The following WDR27 variants were observed in gnomAD, a reference collection of about 807,000 sequenced individuals.
WDR27 encodes WD repeat domain 27, also known as WD repeat-containing protein 27.
Under a neutral mutation model 114.4 loss-of-function variants are expected in WDR27, and 100 were observed. The ratio of observed to expected loss-of-function variants is 0.87; its 90% confidence interval spans 0.74 to 1.03. The LOEUF is 1.03. Among genes scored for constraint, WDR27 ranks in the 50% least tolerant of loss-of-function variants. The pLI is 0.00. For synonymous variants in WDR27, 449 were observed against 423.1 expected, an observed-to-expected ratio of 1.06 and a Z score of -0.75; for missense variants, 1,129 against 1,092.9, an observed-to-expected ratio of 1.03 and a Z score of -0.47.
Position 169,526,357 on chromosome 6 carries a change from A to C in WDR27, c.2645+46062T>G, listed in dbSNP as rs138846340. Among the ~76,000 whole-genome samples, 672 of 152,240 alleles carry C rather than the reference A, an allele frequency of 4.4e-3. 4 individuals are homozygous for C. The highest frequency in any genetic ancestry group is 0.016 in the African/African-American group (647 of 41,552). ...GCCAGGCGCGGTGGCTCGCACCTGT[A>C]ATCTCAGCAGTTTGGGAGGCCGAGG... On this transcript the variant is annotated intron_variant, in intron 25 of 25. Transcript: ENST00000448612.
chr6:169,452,606 G>A (rs990811714), downstream of WDR27, among the ~76,000 whole-genome samples: 1 of 150,700 alleles, frequency 6.6e-6, no homozygotes, highest in African/African-American at 2.4e-5. Context: ...GAGGAGCTGA[G>A]TTCAGGACGG....
chr6:169,585,611 T>C (rs1804389792), intron 23 of WDR27, among the ~76,000 whole-genome samples: 1 of 152,318 alleles, frequency 6.6e-6, no homozygotes, highest in African/African-American at 2.4e-5. Flanking sequence ...ATATTTCATA[T>C]GCTATATGTA....
In WDR27 at chr6:169,684,457, A is replaced by G. The variant is rs1317109671; in HGVS notation, c.189+4360T>C. 9.2e-5 allele frequency among the ~76,000 whole-genome samples: 14 copies of G among 152,146 alleles called. No homozygotes were observed. On this transcript the variant is annotated intron_variant, in intron 2 of 25. Coordinates refer to ENST00000448612, the MANE Select transcript of WDR27 (RefSeq NM_182552.5). This position sits in a 1 kb window ranked among gnomAD's most constrained non-coding sequence, Gnocchi z 4.3. ...TGGCAAGCATGCTCCCAGGCCCAAC[A>G]AACAGCTATGTGCCCATGTCTCAGA...
At chr6:169,482,263 G>A (rs1788267712) in intron 25 of WDR27, among the ~76,000 whole-genome samples, 1 of 152,156 alleles carries the variant, frequency 6.6e-6, no homozygotes, top group South Asian at 2.1e-4. Flanking sequence ...GAACATACAT[G>A]TGCATGAGTC....
intron 25 of WDR27, among the ~76,000 whole-genome samples, chr6:169,509,696 A>T (rs1402253868): frequency 1.3e-5 from 2 of 151,972 alleles, no homozygotes; most frequent in African/African-American, 2.4e-5. Context: ...AACCTAGGCA[A>T]TACCATTCAG....
At chr6:169,490,719 T>G (rs1356829131) in intron 25 of WDR27, among the ~76,000 whole-genome samples, 1 of 152,190 alleles carries the variant, frequency 6.6e-6, no homozygotes. Flanking sequence ...TTCCTTAGTA[T>G]CTCAGCCTCC....
At chr6:169,630,218 T>C (rs1477661451) in intron 21 of WDR27, among the ~76,000 whole-genome samples, 1 of 152,234 alleles carries the variant, frequency 6.6e-6, no homozygotes, top group Non-Finnish European at 1.5e-5. Flanking sequence ...AAATTTTAAA[T>C]ACTACTTGTC....
chr6:169,433,063 G>A, the WDR27 span, among the ~76,000 whole-genome samples: 2 of 152,182 alleles, frequency 1.3e-5, no homozygotes, highest in Non-Finnish European at 2.9e-5. Flanking sequence ...GGTGACTGTT[G>A]CTATGTTTTT....
In WDR27 at chr6:169,583,235, G is replaced by A. The variant is rs566025864; in HGVS notation, c.2425-301C>T. 1.4e-4 allele frequency among the ~76,000 whole-genome samples: 21 copies of A among 145,902 alleles called. No individual in the cohort carries two copies. The South Asian group carries it at 1.6e-3, about 11-fold the overall frequency. On this transcript the variant is annotated intron_variant, in intron 23 of 25. Transcript: ENST00000448612. ...TTTTAAATATGTGCTCATGATTGAT[G>A]ACTAATTTTAAGGAAGGAGTATAGA...
At position 169,457,566 on chromosome 6, in the gene WDR27, C is replaced by A; in HGVS notation, c.*26G>T. Reference sequence around the variant, plus strand: ...TTGTTCCTCACAGCATTCCTGGACCCAGCTCACAGGTCAGTGGTTACTCAG... The same window carrying A: ...TTGTTCCTCACAGCATTCCTGGACCAAGCTCACAGGTCAGTGGTTACTCAG... On this transcript the variant is annotated 3_prime_UTR_variant, in exon 26 of 26. Coordinates refer to ENST00000448612, the MANE Select transcript of WDR27 (RefSeq NM_182552.5). The A allele has an allele frequency of 6.5e-7, 1 of 1,546,470 alleles. No individual in the cohort carries two copies. The highest frequency in any genetic ancestry group is 8.7e-7 in the Non-Finnish European group (1 of 1,144,346).
intron 1 of WDR27, among the ~76,000 whole-genome samples, chr6:169,699,185 G>A (rs1434353729): frequency 6.6e-6 from 1 of 152,162 alleles, no homozygotes; most frequent in Non-Finnish European, 1.5e-5. Flanking sequence ...AGAACTGGCT[G>A]GTGTGCAAGC....
At chr6:169,462,479 G>GGAGA (rs568005305) in intron 25 of WDR27, among the ~76,000 whole-genome samples, 1 of 150,338 alleles carries the variant, frequency 6.7e-6, no homozygotes, top group Non-Finnish European at 1.5e-5. Flanking sequence ...AGGAGAGGGG[G>GGAGA]GAGAGAGAGA....
chr6:169,446,191 T>TG, the WDR27 span, among the ~76,000 whole-genome samples: 2 of 152,140 alleles, frequency 1.3e-5, no homozygotes, highest in African/African-American at 4.8e-5. Flanking sequence ...CAGCACGAGC[T>TG]GGGGGAGCGG....
At chr6:169,575,197 T>G (rs9371146) in intron 24 of WDR27, among the ~76,000 whole-genome samples, 15,095 of 151,318 alleles carry the variant, frequency 0.1, 1,799 homozygotes, top group East Asian at 0.58. Context: ...AAAAATTTCA[T>G]CCATCCATCC....
Position 169,457,311 on chromosome 6 carries a change from A to T in WDR27, c.*281T>A, listed in dbSNP as rs1296895888. ...ATACTATATTATGTTTTATTGAAAGATATTTTGTTTTAACTTTACCAAATT... is the reference window on the plus strand; with the variant it reads ...ATACTATATTATGTTTTATTGAAAGTTATTTTGTTTTAACTTTACCAAATT... On this transcript the variant is annotated 3_prime_UTR_variant, in exon 26 of 26. Transcript: ENST00000448612. 6 of 318,758 alleles carry T rather than the reference A, an allele frequency of 1.9e-5. No individual in the cohort carries two copies. Among genetic ancestry groups the T allele is most frequent in the Admixed American group, 4.8e-5 (1 of 20,954 alleles). 19.7% of individuals were successfully genotyped at this position (318,758 alleles called of 1,614,324 possible).
chr6:169,570,893 G>A (rs946968298), intron 25 of WDR27, among the ~76,000 whole-genome samples: 16 of 152,184 alleles, frequency 1.1e-4, no homozygotes, highest in African/African-American at 3.6e-4. Context: ...CAGGCCAGGA[G>A]TCTCCCGTGG....
Position 169,684,185 on chromosome 6 carries a change from A to G in WDR27, c.189+4632T>C, listed in dbSNP as rs116048309. Among the ~76,000 whole-genome samples the G allele has an allele frequency of 6.6e-6, 1 of 151,906 alleles. No homozygotes were observed. Among genetic ancestry groups the G allele is most frequent in the African/African-American group, 2.4e-5 (1 of 41,388 alleles). On this transcript the variant is annotated intron_variant, in intron 2 of 25. Transcript: ENST00000448612. This position sits in a 1 kb window ranked among gnomAD's most constrained non-coding sequence, Gnocchi z 4.3. ...CTTCCAGCCAGAGAAACAACCCAGC[A>G]CTCCTGCCAAGGACAAACCTGCCCT... is the stretch of plus-strand genomic sequence containing the variant.
chr6:169,643,979 C>G (rs552981659), intron 16 of WDR27, among the ~76,000 whole-genome samples, 193 bp from the exon 17 acceptor site: 218 of 123,248 alleles, frequency 1.8e-3, no homozygotes, highest in Middle Eastern at 5.8e-3. Context: ...CTGTAGAAAA[C>G]CCTAGTTCAC....
intron 21 of WDR27, among the ~76,000 whole-genome samples, chr6:169,626,696 G>A (rs1009613485): frequency 2.0e-5 from 3 of 152,198 alleles, no homozygotes; most frequent in Non-Finnish European, 4.4e-5. Flanking sequence ...CACCACGTCC[G>A]TGAGTAAGTA....
Sources: allele counts gnomAD v4.1 joint callset (sites outside exome capture counted in the v4.1 genomes callset), GRCh38; gene constraint gnomAD v4.1.1; non-coding constraint Gnocchi (gnomAD v3.1); transcripts MANE v1.5; gene names NCBI Gene and HGNC (gene_info 2026-07-23, HGNC 2026-07-21).